NCAM2: variants seen among roughly 807,000 people sequenced by gnomAD.
NCAM2 encodes neural cell adhesion molecule 2.
Under a neutral mutation model 98.1 loss-of-function variants are expected in NCAM2, and 30 were observed. The observed-to-expected ratio is 0.31, with a 90% CI of 0.23 to 0.41. The LOEUF is 0.41. Ranked by LOEUF, NCAM2 falls within the 10% of genes least tolerant of loss-of-function variation. The pLI is 1.00. For missense variants in NCAM2, 867 were observed against 1,005.8 expected, an observed-to-expected ratio of 0.86 and a Z score of 1.87; for synonymous variants, 368 against 342.4, an observed-to-expected ratio of 1.07 and a Z score of -0.83.
intron 15 of NCAM2, among the ~76,000 whole-genome samples, chr21:21,486,000 C>T (rs1184655546): frequency 6.6e-6 from 1 of 151,964 alleles, no homozygotes; most frequent in Non-Finnish European, 1.5e-5. Context: ...AACCCATCAA[C>T]CGATAAAACA....
intron 5 of NCAM2, among the ~76,000 whole-genome samples, chr21:21,316,595 G>A (rs565386731): frequency 5.0e-4 from 72 of 144,218 alleles, no homozygotes; most frequent in Non-Finnish European, 9.4e-4. Flanking sequence ...GAGTGCAATG[G>A]TGTGATCTCG....
chr21:21,009,699 G>A (rs1324130147), intron 1 of NCAM2, among the ~76,000 whole-genome samples: 4 of 151,922 alleles, frequency 2.6e-5, no homozygotes, highest in Non-Finnish European at 5.9e-5. Context: ...ATCCCCCATA[G>A]TTAATTAAAA....
At chr21:21,348,546 G>C (rs1484421244) in intron 8 of NCAM2, among the ~76,000 whole-genome samples, 1 of 151,980 alleles carries the variant, frequency 6.6e-6, no homozygotes, top group African/African-American at 2.4e-5. Flanking sequence ...CAGATTCAGT[G>C]CAATCCCTAT....
intron 1 of NCAM2, among the ~76,000 whole-genome samples, chr21:21,166,007 C>G (rs925247557): frequency 2.6e-5 from 4 of 152,050 alleles, no homozygotes; most frequent in African/African-American, 7.2e-5. Context: ...GGAATTGGGA[C>G]CCCCGCTGTG....
chr21:21,335,646 A>G lies in NCAM2; in HGVS notation c.879A>G (p.Gln293=). The G allele has an allele frequency of 6.2e-7, 1 of 1,607,074 alleles. No homozygotes were observed. The highest frequency in any genetic ancestry group is 1.3e-5 in the African/African-American group (1 of 74,642). ...ATNKAGEDEK[Q]AFLQVFVQPH... Reference sequence around the variant, plus strand: ...ATAAGGCAGGAGAAGATGAAAAGCAAGCTTTCCTCCAAGTCTTTGGTAAGT... The same window carrying G: ...ATAAGGCAGGAGAAGATGAAAAGCAGGCTTTCCTCCAAGTCTTTGGTAAGT... The change falls in exon 7 of 18, where the codon CAA becomes CAG. Residue 293 remains glutamine (Q), a synonymous_variant. Transcript: ENST00000400546.
At chr21:21,104,324 G>T (rs955572470) in intron 1 of NCAM2, among the ~76,000 whole-genome samples, 3 of 152,072 alleles carry the variant, frequency 2.0e-5, no homozygotes, top group African/African-American at 7.2e-5. Context: ...CATGTCAAAT[G>T]CAAAATACAT....
At chr21:21,005,009 C>T (rs750034016) in intron 1 of NCAM2, among the ~76,000 whole-genome samples, 4 of 151,860 alleles carry the variant, frequency 2.6e-5, no homozygotes, top group South Asian at 4.2e-4. Context: ...AAGGGAGGGG[C>T]GCGTTGAGAG....
At chr21:21,078,577 C>T (rs750156867) in intron 1 of NCAM2, among the ~76,000 whole-genome samples, 8 of 152,180 alleles carry the variant, frequency 5.3e-5, no homozygotes, top group Non-Finnish European at 1.2e-4. Context: ...AACGCTTTTA[C>T]ACTGTTGGTG....
chr21:21,031,374 C>G (rs1453917314), intron 1 of NCAM2, among the ~76,000 whole-genome samples: 1 of 152,164 alleles, frequency 6.6e-6, no homozygotes, highest in Non-Finnish European at 1.5e-5. Flanking sequence ...CAGAGTCACA[C>G]AACTGATTAG....
At chr21:21,436,738 A>C (rs1318016759) in intron 12 of NCAM2, among the ~76,000 whole-genome samples, 1 of 150,920 alleles carries the variant, frequency 6.6e-6, no homozygotes. Context: ...CCTTCCAATA[A>C]GTATGTGTCT....
chr21:21,167,756 C>G (rs534697890), intron 1 of NCAM2, among the ~76,000 whole-genome samples: 46 of 152,138 alleles, frequency 3.0e-4, no homozygotes, highest in African/African-American at 9.4e-4. Flanking sequence ...CACAATCTTC[C>G]AGAACTCACA....
chr21:21,289,072 C>T (rs928458665), intron 4 of NCAM2, among the ~76,000 whole-genome samples: 1 of 151,862 alleles, frequency 6.6e-6, no homozygotes, highest in African/African-American at 2.4e-5. Context: ...GATATCCATT[C>T]AATCTTGGCC....
chr21:21,416,201 C>G (rs540935136), intron 10 of NCAM2, among the ~76,000 whole-genome samples: 17 of 152,088 alleles, frequency 1.1e-4, no homozygotes, highest in African/African-American at 4.1e-4. Context: ...AATAAGGAAG[C>G]CAAAGAGGGA....
chr21:21,028,080 C>A (rs550638925), intron 1 of NCAM2, among the ~76,000 whole-genome samples: 6 of 152,112 alleles, frequency 3.9e-5, no homozygotes. Flanking sequence ...TCAGGCTGGT[C>A]TGGAACTCCC....
intron 1 of NCAM2, among the ~76,000 whole-genome samples, chr21:21,136,870 A>G (rs1217468535): frequency 6.6e-6 from 1 of 150,670 alleles, no homozygotes; most frequent in East Asian, 2.0e-4. Flanking sequence ...GTTCCTCAAA[A>G]GAAATTTTGA....
In NCAM2 at chr21:21,300,479, A is replaced by G. The variant is rs1042661210; in HGVS notation, c.619+8238A>G. On this transcript the variant is annotated intron_variant, in intron 5 of 17. Coordinates refer to ENST00000400546, the MANE Select transcript of NCAM2 (RefSeq NM_004540.5). ...TACCTTGGCCAAAAGTCATCCACGTATCTTTGAAGATATTGATAGAACTTT... is the reference window on the plus strand; with the variant it reads ...TACCTTGGCCAAAAGTCATCCACGTGTCTTTGAAGATATTGATAGAACTTT... Among the ~76,000 whole-genome samples, 6 of 152,134 alleles carry G rather than the reference A, an allele frequency of 3.9e-5. 1 individual carries two copies. The South Asian group carries it at 1.0e-3, about 26-fold the overall frequency.
At chr21:21,082,225 T>TAAAAAAAAA (rs57713170) in intron 1 of NCAM2, among the ~76,000 whole-genome samples, 1 of 82,912 alleles carries the variant, frequency 1.2e-5, no homozygotes, top group African/African-American at 4.4e-5. Flanking sequence ...GAGAATCCTT[T>TAAAAAAAAA]AAAAAAAAAA....
rs58405004 is a variant in NCAM2, at chr21:21,298,588, CAGATAGATAGATAGAT to C, written c.619+6376_619+6391del. Among the ~76,000 whole-genome samples, 844 of 147,634 alleles carry C rather than the reference CAGATAGATAGATAGAT, an allele frequency of 5.7e-3. 2 individuals carry two copies. Among genetic ancestry groups the C allele is most frequent in the African/African-American group, 8.0e-3 (322 of 40,336 alleles). ...ATATAAACTAGAGAAATGATAGATA[CAGATAGATAGATAGAT>C]AGATAGATAGATAGATAGATAGATA... On this transcript the variant is annotated intron_variant, in intron 5 of 17. Transcript: ENST00000400546.
chr21:21,129,016 C>T (rs534366988), intron 1 of NCAM2, among the ~76,000 whole-genome samples: 1 of 152,016 alleles, frequency 6.6e-6, no homozygotes. Flanking sequence ...CCAAGAACAA[C>T]AAATATTATC....
Sources: gnomAD v4.1 joint callset for allele counts (sites outside exome capture counted in the v4.1 genomes callset) on GRCh38, gnomAD v4.1.1 for gene constraint, MANE v1.5 for transcripts, NCBI Gene and HGNC (gene_info 2026-07-23, HGNC 2026-07-21) for gene names.